Variants in SV2C observed in about 807,000 individuals in gnomAD.
SV2C encodes solute carrier family 22 member B3.
In SV2C, 49 loss-of-function variants were observed where a neutral mutation model predicts 79.7. The ratio of observed to expected loss-of-function variants is 0.61; its 90% CI spans 0.49 to 0.78. The LOEUF (loss-of-function observed/expected upper bound fraction) is 0.78, where lower values mean the gene tolerates loss of function less well. SV2C is among the 30% of genes least tolerant of loss of function. The pLI, the probability that SV2C is intolerant of heterozygous loss-of-function variation, is 0.00. For synonymous variants in SV2C, 334 were observed against 333.2 expected, an observed-to-expected ratio of 1.00 and a Z score of -0.03; for missense variants, 833 against 912.9, an observed-to-expected ratio of 0.91 and a Z score of 1.13.
chr5:76,107,846 C>G (rs931645743), intron 1 of SV2C, among the ~76,000 whole-genome samples: 8 of 151,612 alleles, frequency 5.3e-5, no homozygotes, highest in African/African-American at 1.9e-4. Context: ...GATGAAGACC[C>G]TATTTCAAAA....
chr5:75,891,201 C>T, the SV2C span, among the ~76,000 whole-genome samples: 8 of 152,034 alleles, frequency 5.3e-5, no homozygotes, highest in Non-Finnish European at 1.0e-4. Flanking sequence ...GAGACTTTTG[C>T]TTTGATCAGA....
intron 4 of SV2C, among the ~76,000 whole-genome samples, chr5:76,239,031 G>A (rs1014431554): frequency 6.6e-6 from 1 of 152,118 alleles, no homozygotes; most frequent in African/African-American, 2.4e-5. Context: ...ATCCTCCTAA[G>A]TATCTGGTGC....
At chr5:76,000,415 C>A in the SV2C span, among the ~76,000 whole-genome samples, 1 of 152,132 alleles carries the variant, frequency 6.6e-6, no homozygotes, top group African/African-American at 2.4e-5. Flanking sequence ...GGCCTGGACT[C>A]ACTGTGAACC....
chr5:76,307,417 TA>T (rs1748233627), intron 12 of SV2C, among the ~76,000 whole-genome samples: 1 of 152,132 alleles, frequency 6.6e-6, no homozygotes, highest in Non-Finnish European at 1.5e-5. Context: ...ACTTCCTTAT[TA>T]TGCTCATTTG....
chr5:75,911,677 A>G, the SV2C span: 10 of 691,714 alleles, frequency 1.4e-5, 1 homozygote, highest in South Asian at 1.4e-4. Context: ...TCCCACCTTA[A>G]TGACATCTCA....
chr5:75,855,713 T>C, the SV2C span, among the ~76,000 whole-genome samples: 24 of 152,208 alleles, frequency 1.6e-4, no homozygotes, highest in African/African-American at 5.5e-4. Context: ...ACATGAGATA[T>C]TTTGATACAG....
the SV2C span, chr5:75,921,535 G>T: frequency 2.4e-6 from 2 of 830,340 alleles, no homozygotes; most frequent in Non-Finnish European, 4.3e-6. Context: ...CTGGGGAGAT[G>T]ATTGAAGGCA....
At chr5:76,232,143 G>A (rs1745440989) in intron 4 of SV2C, among the ~76,000 whole-genome samples, 1 of 149,306 alleles carries the variant, frequency 6.7e-6, no homozygotes, top group Non-Finnish European at 1.5e-5. Flanking sequence ...ACTGGTGTGA[G>A]TTGGTATCTC....
chr5:76,134,689 G>A (rs1178506489), intron 2 of SV2C, among the ~76,000 whole-genome samples: 3 of 152,190 alleles, frequency 2.0e-5, no homozygotes, highest in African/African-American at 4.8e-5. Context: ...GGCATACAGT[G>A]TATGCCTGTA....
the SV2C span, among the ~76,000 whole-genome samples, chr5:75,922,812 T>C: frequency 6.6e-6 from 1 of 152,146 alleles, no homozygotes; most frequent in African/African-American, 2.4e-5. Flanking sequence ...AATCATCACA[T>C]GGAGAAGAGC....
intron 4 of SV2C, among the ~76,000 whole-genome samples, chr5:76,224,595 A>G (rs1484882868): frequency 2.0e-5 from 3 of 152,188 alleles, no homozygotes; most frequent in Non-Finnish European, 4.4e-5. Context: ...CCAGATTTCC[A>G]TGAATAATAT....
At chr5:76,041,338 G>A in the SV2C span, among the ~76,000 whole-genome samples, 5 of 152,126 alleles carry the variant, frequency 3.3e-5, no homozygotes, top group Non-Finnish European at 4.4e-5. Context: ...TAGCCCTGTT[G>A]CAAAGGGCCT....
At chr5:76,084,790 C>T (rs149774084) in intron 1 of SV2C, among the ~76,000 whole-genome samples, 3,539 of 151,810 alleles carry the variant, frequency 0.023, 51 homozygotes, top group Non-Finnish European at 0.035. Flanking sequence ...CCGCGGCGCG[C>T]CTGGCGCGGA....
chr5:76,020,504 A>G, the SV2C span, among the ~76,000 whole-genome samples: 1 of 152,138 alleles, frequency 6.6e-6, no homozygotes, highest in East Asian at 1.9e-4. Context: ...GAAGCCACAT[A>G]CAGATCTAAC....
intron 12 of SV2C, among the ~76,000 whole-genome samples, chr5:76,308,302 C>G (rs1748279695): frequency 6.6e-6 from 1 of 152,204 alleles, no homozygotes; most frequent in Non-Finnish European, 1.5e-5. Context: ...GGAGTCCACA[C>G]TCCCTTCCTG....
intron 1 of SV2C, among the ~76,000 whole-genome samples, chr5:76,117,701 C>T (rs1013691548): frequency 4.6e-5 from 7 of 150,972 alleles, no homozygotes; most frequent in South Asian, 4.1e-4. Flanking sequence ...CTGAGATATT[C>T]GGTTATTTAT....
At chr5:75,907,143 C>T in the SV2C span, among the ~76,000 whole-genome samples, 2 of 152,094 alleles carry the variant, frequency 1.3e-5, no homozygotes, top group Non-Finnish European at 2.9e-5. Flanking sequence ...AGGTGTGGGG[C>T]CAAATGACCA....
At chr5:76,230,250 T>C (rs1745372030) in intron 4 of SV2C, among the ~76,000 whole-genome samples, 1 of 152,188 alleles carries the variant, frequency 6.6e-6, no homozygotes, top group African/African-American at 2.4e-5. Context: ...TTAAAACACA[T>C]TGGCTATGAT....
At chr5:76,157,513 A>G (rs944118041) in intron 2 of SV2C, among the ~76,000 whole-genome samples, 4 of 152,040 alleles carry the variant, frequency 2.6e-5, no homozygotes, top group Admixed American at 1.3e-4. Context: ...TAATGGATAT[A>G]TCACCTCCCT....
Sources: allele counts gnomAD v4.1 joint callset (sites outside exome capture counted in the v4.1 genomes callset), GRCh38; gene constraint gnomAD v4.1.1; transcripts MANE v1.5; gene names NCBI Gene and HGNC (gene_info 2026-07-23, HGNC 2026-07-21).